The following NPR2 variants were observed in gnomAD, a reference collection of about 807,000 sequenced individuals.
NPR2 encodes natriuretic peptide receptor 2.
Under a neutral mutation model 120.7 loss-of-function variants are expected in NPR2, and 49 were observed. That is an observed-to-expected ratio of 0.41 (90% CI 0.32 to 0.52). The LOEUF (loss-of-function observed/expected upper bound fraction) is 0.52. NPR2 is among the 20% of genes least tolerant of loss of function. The pLI is 0.36. For missense variants in NPR2, 931 were observed against 1,362.9 expected (o/e 0.68, Z 4.99); for synonymous variants, 484 against 519.8 (o/e 0.93, Z 0.94).
chr9:35,809,315 A>C lies in NPR2; in HGVS notation c.3079-65A>C. ...GAAAGTGATTATGGGAATCATAGGG[A>C]AAGAGAGGGAGACAAAGGGACTAAC... On this transcript the variant is annotated intron_variant, in intron 21 of 21. Transcript: ENST00000342694. This position sits in a 1 kb window ranked among gnomAD's most constrained non-coding sequence, Gnocchi z 4.1. The C allele has an allele frequency of 6.2e-7, 1 of 1,611,262 alleles. No homozygotes were observed. Among genetic ancestry groups the C allele is most frequent in the South Asian group, 1.1e-5 (1 of 91,032 alleles).
At position 35,806,962 on chromosome 9, in the gene NPR2, C is replaced by A. The variant is rs1828423890; in HGVS notation, c.2520-61C>A. Reference sequence around the variant, plus strand: ...TCTCTGCTGCAGCCACATACACTTTCCCTCTCTCTTCCACTCCTGCTCTCT... The same window carrying A: ...TCTCTGCTGCAGCCACATACACTTTACCTCTCTCTTCCACTCCTGCTCTCT... On this transcript the variant is annotated intron_variant, in intron 16 of 21. Coordinates refer to ENST00000342694, the MANE Select transcript of NPR2 (RefSeq NM_003995.4). The surrounding 1 kb of genome is among the most constrained non-coding windows in gnomAD (Gnocchi z 4.6). 6.3e-7 allele frequency: 1 copy of A among 1,591,532 alleles called. No homozygotes were observed. Among genetic ancestry groups the A allele is most frequent in the African/African-American group, 1.3e-5 (1 of 74,476 alleles).
chr9:35,797,087 T>C (rs1827968352), intron 2 of NPR2, among the ~76,000 whole-genome samples: 1 of 152,254 alleles, frequency 6.6e-6, no homozygotes, highest in African/African-American at 2.4e-5. Flanking sequence ...AGCCACTAGC[T>C]GCTCCAGGGC....
intron 12 of NPR2, among the ~76,000 whole-genome samples, chr9:35,804,377 C>T (rs928988607): frequency 1.3e-5 from 2 of 151,988 alleles, no homozygotes; most frequent in Non-Finnish European, 2.9e-5. Flanking sequence ...GGGACCACAG[C>T]GTGTGCTGCA....
rs1827805831 is a variant in NPR2 at position 35,792,284 on chromosome 9, A to AC, written c.-123dup. 2 of 1,001,796 alleles carry AC rather than the reference A, an allele frequency of 2.0e-6. No individual in the cohort carries two copies. The highest frequency in any genetic ancestry group is 5.3e-5 in the East Asian group (2 of 37,740). 62.1% of individuals were successfully genotyped at this position (1,001,796 alleles called of 1,614,324 possible). A position where few individuals can be genotyped will look rare whatever the true frequency, so the allele number is the denominator to read the frequency against. ...CCCAGCACCTTCTGCATCCCAGCCT[A>AC]CCTAGCCTACTCCTCCTCTTCCTGG... On this transcript the variant is annotated 5_prime_UTR_variant, in exon 1 of 22. It removes the in-frame stop codon of an upstream open reading frame in the 5' UTR. Transcript: ENST00000342694.
Position 35,802,234 on chromosome 9 carries a change from A to T in NPR2, c.1661A>T (p.Asn554Ile). 6.2e-7 allele frequency: 1 copy of T among 1,609,544 alleles called. No homozygotes were observed. Among genetic ancestry groups the T allele is most frequent in the Non-Finnish European group, 8.5e-7 (1 of 1,176,034 alleles). The change falls in exon 10 of 22, where the codon AAT becomes ATT. Residue 554 changes from asparagine to isoleucine, a missense_variant. Physicochemically the swap from Asn to Ile is moderately radical, Grantham distance 149 (BLOSUM62 -3). Transcript: ENST00000342694. The surrounding 1 kb of genome is among the most constrained non-coding windows in gnomAD (Gnocchi z 4.2). Reference sequence around the variant, plus strand: ...AATGTTGTCGCCATCAAACATGTGAATAAGAAGCGCATTGAGCTGACCCGG... The same window carrying T: ...AATGTTGTCGCCATCAAACATGTGATTAAGAAGCGCATTGAGCTGACCCGG... Reference protein sequence around the residue: ...KGNVVAIKHVNKKRIELTRQV... With the variant: ...KGNVVAIKHVIKKRIELTRQV...
In NPR2 at chr9:35,802,832, A is replaced by T; in HGVS notation, c.1887+29A>T. On this transcript the variant is annotated intron_variant, in intron 12 of 21. Coordinates refer to ENST00000342694, the MANE Select transcript of NPR2 (RefSeq NM_003995.4). This position sits in a 1 kb window ranked among gnomAD's most constrained non-coding sequence, Gnocchi z 4.2. The stretch of plus-strand genomic sequence containing the variant: ...AGTCTTCCCCACTCCTTAAAAGTTC[A>T]TCCACTTTAAATCACTTCCACTGTT... 3 of 1,439,922 alleles carry T rather than the reference A, an allele frequency of 2.1e-6. No homozygotes were observed. Among genetic ancestry groups the T allele is most frequent in the Non-Finnish European group, 2.9e-6 (3 of 1,022,266 alleles). The allele number at this position is 1,439,922 out of a possible 1,614,324, so 89.2% of individuals were successfully genotyped here.
Position 35,800,791 on chromosome 9 carries a change from C to T in NPR2, c.1301C>T (p.Ser434Leu), listed in dbSNP as rs756582549. ...PIPWVKGAPP[S>L]DNPPCAFDLD... The stretch of plus-strand genomic sequence containing the variant: ...CCCTGGGTGAAGGGGGCTCCTCCCT[C>T]GGACAATCCCCCCTGTGCCTTTGAC... Residue 434 changes from serine to leucine, a missense_variant, in exon 6 of 22, where the codon TCG becomes TTG. By Grantham distance (145) the Ser-to-Leu change is moderately radical. Coordinates refer to ENST00000342694, the MANE Select transcript of NPR2 (RefSeq NM_003995.4). This position sits in a 1 kb window ranked among gnomAD's most constrained non-coding sequence, Gnocchi z 4.7. 3.2e-5 allele frequency: 52 copies of T among 1,613,982 alleles called. No individual in the cohort carries two copies. Among genetic ancestry groups the T allele is most frequent in the South Asian group, 9.9e-5 (9 of 91,078 alleles).
At chr9:35,807,427 A>T in intron 18 of NPR2, 29 bp downstream of exon 18, 1 of 1,552,252 alleles carries the variant, frequency 6.4e-7, no homozygotes, top group Non-Finnish European at 8.9e-7. Context: ...GTTCAATAGA[A>T]GACCCTTTAA....
rs146712937 is a variant in NPR2 at position 35,800,726 on chromosome 9, G to C, written c.1236G>C (p.Ser412=). Residue 412 remains serine (S), a synonymous_variant, in exon 6 of 22, where the codon TCG becomes TCC. Transcript: ENST00000342694. The surrounding 1 kb of genome is among the most constrained non-coding windows in gnomAD (Gnocchi z 4.7). The part of the protein sequence containing the change: ...SGDFQPAAHY[S]GAEKQIWWTG... ...CCTTACAGCCTGCAGCCCACTACTC[G>C]GGAGCTGAGAAGCAGATTTGGTGGA... The C allele has an allele frequency of 6.8e-6, 11 of 1,614,034 alleles. No homozygotes were observed. The highest frequency in any genetic ancestry group is 9.3e-6 in the Non-Finnish European group (11 of 1,180,028).
In NPR2 at chr9:35,802,126, C is replaced by T; in HGVS notation, c.1633-80C>T. 7.7e-7 allele frequency: 1 copy of T among 1,296,630 alleles called. No homozygotes were observed. Among genetic ancestry groups the T allele is most frequent in the Non-Finnish European group, 1.1e-6 (1 of 890,328 alleles). The allele number at this position is 1,296,630 out of a possible 1,614,324, so 80.3% of individuals were successfully genotyped here. A position where few individuals can be genotyped will look rare whatever the true frequency, so the allele number is the denominator to read the frequency against. On this transcript the variant is annotated intron_variant, in intron 9 of 21. Transcript: ENST00000342694. The surrounding 1 kb of genome is among the most constrained non-coding windows in gnomAD (Gnocchi z 4.2). ...CTGTGCCCAGCTGAGCTCCTGGGTG[C>T]TTCCACTGCTCTCTAGCATTTCCTT...
intron 1 of NPR2, 105 bp from the exon 2 acceptor site, chr9:35,793,793 T>A (rs1294410081): frequency 1.7e-6 from 2 of 1,173,362 alleles, no homozygotes; most frequent in Non-Finnish European, 2.5e-6. Context: ...GTTAGGGCAC[T>A]CTCTTTCTTG....
Position 35,802,234 on chromosome 9 carries a change from A to G in NPR2, c.1661A>G (p.Asn554Ser). 6.2e-7 allele frequency: 1 copy of G among 1,609,544 alleles called. No homozygotes were observed. The highest frequency in any genetic ancestry group is 8.5e-7 in the Non-Finnish European group (1 of 1,176,034). Residue 554 changes from asparagine (N) to serine (S), a missense_variant, in exon 10 of 22, where the codon AAT becomes AGT. Physicochemically the swap from Asn to Ser is conservative, Grantham distance 46 (BLOSUM62 1). This residue lies in a region of NPR2 where 681 missense variants were observed against 974.3 expected (regional missense o/e 0.70). Coordinates refer to ENST00000342694, the MANE Select transcript of NPR2 (RefSeq NM_003995.4). The surrounding 1 kb of genome is among the most constrained non-coding windows in gnomAD (Gnocchi z 4.2). ...KGNVVAIKHV[N>S]KKRIELTRQV... ...AATGTTGTCGCCATCAAACATGTGA[A>G]TAAGAAGCGCATTGAGCTGACCCGG...
At position 35,802,275 on chromosome 9, in the gene NPR2, C is replaced by G; in HGVS notation, c.1702C>G (p.Leu568Val). The change falls in exon 10 of 22, where the codon CTC (leucine) becomes GTC (valine). Residue 568 changes from leucine to valine, a missense_variant. By Grantham distance (32) the Leu-to-Val change is conservative. Coordinates refer to ENST00000342694, the MANE Select transcript of NPR2 (RefSeq NM_003995.4). The surrounding 1 kb of genome is among the most constrained non-coding windows in gnomAD (Gnocchi z 4.2). Reference protein sequence around the residue: ...IELTRQVLFELKHMRDVQFNH... With the variant: ...IELTRQVLFEVKHMRDVQFNH... ...GCTGACCCGGCAGGTTCTGTTTGAA[C>G]TCAAACATGTATGTAACAGAGGATG... The G allele has an allele frequency of 6.4e-7, 1 of 1,571,076 alleles. No individual in the cohort carries two copies. The highest frequency in any genetic ancestry group is 8.8e-7 in the Non-Finnish European group (1 of 1,141,584).
intron 2 of NPR2, among the ~76,000 whole-genome samples, 197 bp from the exon 3 acceptor site, chr9:35,799,421 C>G (rs1350809039): frequency 1.4e-5 from 2 of 146,532 alleles, no homozygotes; most frequent in Non-Finnish European, 3.0e-5. Context: ...CAACACAACA[C>G]ACACACACAC....
intron 7 of NPR2, among the ~76,000 whole-genome samples, chr9:35,801,379 G>C (rs1828149666): frequency 2.0e-5 from 3 of 152,222 alleles, no homozygotes; most frequent in Admixed American, 2.0e-4. Context: ...ACTAACTAGT[G>C]TTTTTCAGTG....
intron 2 of NPR2, 114 bp from the exon 3 acceptor site, chr9:35,799,504 C>T: frequency 1.3e-6 from 1 of 782,338 alleles, no homozygotes; most frequent in Non-Finnish European, 2.3e-6. Context: ...TCAGACTCAC[C>T]TGTGTATATT....
chr9:35,802,691 G>T lies in NPR2; in HGVS notation c.1816-41G>T. On this transcript the variant is annotated intron_variant, in intron 11 of 21. Coordinates refer to ENST00000342694, the MANE Select transcript of NPR2 (RefSeq NM_003995.4). This position sits in a 1 kb window ranked among gnomAD's most constrained non-coding sequence, Gnocchi z 4.2. ...CTGACTCTATGCTGGGTGATAGCTGGTGGGACCAGGACAGACAGTCTATTC... is the reference window on the plus strand; with the variant it reads ...CTGACTCTATGCTGGGTGATAGCTGTTGGGACCAGGACAGACAGTCTATTC... The T allele has an allele frequency of 1.3e-6, 2 of 1,531,502 alleles. No individual in the cohort carries two copies. The highest frequency in any genetic ancestry group is 1.1e-5 in the South Asian group (1 of 89,318). 94.9% of individuals were successfully genotyped at this position (1,531,502 alleles called of 1,614,324 possible).
In NPR2 at chr9:35,794,066, C is replaced by G; in HGVS notation, c.836C>G (p.Thr279Ser). Reference sequence around the variant, plus strand: ...GGCCGGCCCTGGCAGGACAATCGCACCCGGGAACAGGCCCAGGCCCTCAGA... The same window carrying G: ...GGCCGGCCCTGGCAGGACAATCGCAGCCGGGAACAGGCCCAGGCCCTCAGA... ...ATGRPWQDNR[T>S]REQAQALREA... Residue 279 changes from threonine to serine, a missense_variant, in exon 2 of 22, where the codon ACC becomes AGC. Around this residue, in one of 3 missense-constraint regions of NPR2, gnomAD observed 681 missense variants for 974.3 expected, o/e 0.70. Transcript: ENST00000342694. 6.2e-7 allele frequency: 1 copy of G among 1,614,208 alleles called. No individual in the cohort carries two copies. The highest frequency in any genetic ancestry group is 1.1e-5 in the South Asian group (1 of 91,084).
Position 35,806,044 on chromosome 9 carries a change from CA to C in NPR2, c.2204-18del. 1 of 1,614,118 alleles carries C rather than the reference CA, an allele frequency of 6.2e-7. No individual in the cohort carries two copies. Among genetic ancestry groups the C allele is most frequent in the Non-Finnish European group, 8.5e-7 (1 of 1,180,022 alleles). On this transcript the variant is annotated intron_variant, in intron 14 of 21. Transcript: ENST00000342694. This position sits in a 1 kb window ranked among gnomAD's most constrained non-coding sequence, Gnocchi z 4.6. ...TCCTGGGGGAACTCTGTTCTTCATC[CA>C]AACCTTTGATCACCCTCAGAGATTG...
Sources: allele counts gnomAD v4.1 joint callset (sites outside exome capture counted in the v4.1 genomes callset), GRCh38; gene constraint gnomAD v4.1.1; regional missense constraint gnomAD v4.1.1; non-coding constraint Gnocchi (gnomAD v3.1); transcripts MANE v1.5; gene names NCBI Gene and HGNC (gene_info 2026-07-23, HGNC 2026-07-21).